TOMM70: variants seen among roughly 807,000 people sequenced by gnomAD.
TOMM70 encodes the protein mitochondrial import receptor subunit TOM70.
TOMM70 carries 13 observed loss-of-function variants against 73.6 expected under a neutral mutation model. The ratio of observed to expected loss-of-function variants is 0.18; its 90% CI spans 0.11 to 0.28. The LOEUF (loss-of-function observed/expected upper bound fraction) is 0.28, where lower values mean the gene tolerates loss of function less well. TOMM70 is among the 10% of genes least tolerant of loss of function. The probability of loss-of-function intolerance (pLI) is 1.00; values close to 1 mark genes in which losing one functional copy is unlikely to be tolerated. For missense variants in TOMM70, 609 were observed against 747.5 expected, an observed-to-expected ratio of 0.81 and a Z score of 2.16; for synonymous variants, 257 against 271.2, an observed-to-expected ratio of 0.95 and a Z score of 0.51.
intron 4 of TOMM70, among the ~76,000 whole-genome samples, chr3:100,383,204 C>T (rs943998013): frequency 6.6e-5 from 10 of 151,656 alleles, no homozygotes; most frequent in Non-Finnish European, 1.0e-4. Context: ...ACGAGATGCT[C>T]GAGAGAAAAA....
intron 5 of TOMM70, among the ~76,000 whole-genome samples, chr3:100,379,012 A>G (rs1706599513): frequency 6.9e-6 from 1 of 145,844 alleles, no homozygotes; most frequent in African/African-American, 2.8e-5. Flanking sequence ...GTCTCAAATA[A>G]ATAAATAAAT....
intron 1 of TOMM70, among the ~76,000 whole-genome samples, chr3:100,399,668 T>A (rs1360159246): frequency 6.6e-6 from 1 of 152,148 alleles, no homozygotes; most frequent in Admixed American, 6.5e-5. Context: ...TCATGTACAT[T>A]TCCAGGTGAA....
At chr3:100,387,055 G>A in intron 1 of TOMM70, 77 bp from the exon 2 acceptor site, 1 of 1,445,596 alleles carries the variant, frequency 6.9e-7, no homozygotes, top group Non-Finnish European at 9.4e-7. Flanking sequence ...ACAATAAATT[G>A]ATAAAAACAG....
intron 1 of TOMM70, among the ~76,000 whole-genome samples, chr3:100,396,018 T>G (rs1417603671): frequency 6.6e-6 from 1 of 151,192 alleles, no homozygotes; most frequent in Non-Finnish European, 1.5e-5. Flanking sequence ...TATCAGGTTT[T>G]TTTTTTTTTT....
chr3:100,372,046 C>T (rs1003411310), intron 9 of TOMM70: 2 of 152,064 alleles, frequency 1.3e-5, no homozygotes, highest in Non-Finnish European at 2.9e-5. Flanking sequence ...AATGTATGAC[C>T]GTCACTACAA....
In TOMM70 at chr3:100,365,709, A is replaced by G. The variant is rs946595659; in HGVS notation, c.1682T>C (p.Met561Thr). 7 of 1,613,924 alleles carry G rather than the reference A, an allele frequency of 4.3e-6. No homozygotes were observed. In the African/African-American group the frequency reaches 6.7e-5, roughly 15 times the overall value. Residue 561 changes from methionine (M) to threonine (T), a missense_variant, in exon 12 of 12, where the codon ATG (methionine) becomes ACG (threonine). This residue lies in a region of TOMM70 where 432 missense variants were observed against 584.1 expected (regional missense o/e 0.74). Transcript: ENST00000284320. ...GTTGAACATGTCAATGGCTTTCTCCATGTTTCCTCTAAAAGAACAAAATTT... is the reference window on the plus strand; with the variant it reads ...GTTGAACATGTCAATGGCTTTCTCCGTGTTTCCTCTAAAAGAACAAAATTT... ...MGTIEVQRGN[M>T]EKAIDMFNKA...
chr3:100,395,663 C>T (rs1328872804), intron 1 of TOMM70, among the ~76,000 whole-genome samples: 3 of 148,536 alleles, frequency 2.0e-5, no homozygotes, highest in African/African-American at 5.1e-5. Context: ...TTTATATATA[C>T]ATACACACAC....
chr3:100,369,193 G>A, intron 9 of TOMM70, 58 bp from the exon 10 acceptor site: 1 of 1,195,886 alleles, frequency 8.4e-7, no homozygotes, highest in Admixed American at 1.9e-5. Context: ...GCAGTTAAAA[G>A]TATACTTATT....
intron 10 of TOMM70, 90 bp downstream of exon 10, chr3:100,368,948 C>T (rs1706478942): frequency 2.3e-6 from 2 of 865,014 alleles, no homozygotes; most frequent in Non-Finnish European, 3.7e-6. Flanking sequence ...TTCTCTACCA[C>T]AGTCCCCTTC....
chr3:100,372,824 T>C, intron 8 of TOMM70, 102 bp from the exon 9 acceptor site: 1 of 1,001,522 alleles, frequency 1.0e-6, no homozygotes, highest in Non-Finnish European at 1.5e-6. Flanking sequence ...AAAAAACAGG[T>C]GATTTGCTAA....
At chr3:100,385,784 G>C (rs1189227563) in intron 3 of TOMM70, among the ~76,000 whole-genome samples, 1 of 151,878 alleles carries the variant, frequency 6.6e-6, no homozygotes, top group Non-Finnish European at 1.5e-5. Flanking sequence ...AAATACCAAG[G>C]GCACAAAACA....
At chr3:100,378,876 G>A (rs1044366960) in intron 5 of TOMM70, among the ~76,000 whole-genome samples, 6 of 152,110 alleles carry the variant, frequency 3.9e-5, no homozygotes, top group Admixed American at 6.5e-5. Flanking sequence ...GCGTGGTGGC[G>A]GGTGCCTATA....
intron 6 of TOMM70, among the ~76,000 whole-genome samples, chr3:100,376,369 G>GTTTTTTTTTTGTTTTTTTTTTTTT (rs1706565085): frequency 8.2e-6 from 1 of 121,768 alleles, no homozygotes; most frequent in African/African-American, 3.7e-5. Flanking sequence ...TCACACAGAA[G>GTTTTTTTTTTGTTTTTTTTTTTTT]TTTTTTTTTT....
At position 100,384,394 on chromosome 3, in the gene TOMM70, T is replaced by C. The variant is rs1239023077; in HGVS notation, c.735+85A>G. The C allele has an allele frequency of 3.4e-6, 3 of 888,610 alleles. No homozygotes were observed. The East Asian group carries it at 7.6e-5, about 23-fold the overall frequency. The allele number at this position is 888,610 out of a possible 1,614,324, so 55.0% of individuals were successfully genotyped here. A position where few individuals can be genotyped will look rare whatever the true frequency, so the allele number is the denominator to read the frequency against. On this transcript the variant is annotated intron_variant, in intron 4 of 11. Coordinates refer to ENST00000284320, the MANE Select transcript of TOMM70 (RefSeq NM_014820.5). ...ATTGCAGTTGTTGCCATTACCACTA[T>C]GCCTAAGCTTAAGCAGCATAAATTA... is the stretch of plus-strand genomic sequence containing the variant.
chr3:100,388,429 C>T (rs1393373891), intron 1 of TOMM70, among the ~76,000 whole-genome samples: 1 of 152,120 alleles, frequency 6.6e-6, no homozygotes, highest in African/African-American at 2.4e-5. Context: ...ATATGAGAGA[C>T]AAGTGGCCAG....
chr3:100,378,057 C>A (rs145775653), intron 5 of TOMM70, 145 bp from the exon 6 acceptor site: 118 of 617,714 alleles, frequency 1.9e-4, no homozygotes, highest in South Asian at 1.6e-3. Flanking sequence ...CCAGCCTGGC[C>A]AACATGGTGA....
rs755598789 is a variant in TOMM70 at position 100,400,784 on chromosome 3, T to A, written c.166A>T (p.Ile56Leu). Reference protein sequence around the residue: ...GAPLLLGAGAIYLWSRQQRRR... With the variant: ...GAPLLLGAGALYLWSRQQRRR... ...CGTTGCTGCCGACTCCACAGGTATA[T>A]GGCACCCGCGCCCAGCAGCAGGGGT... is the stretch of plus-strand genomic sequence containing the variant. Residue 56 changes from isoleucine (I) to leucine (L), a missense_variant, in exon 1 of 12, where the codon ATA (isoleucine) becomes TTA (leucine). By Grantham distance (5) the Ile-to-Leu change is conservative. Transcript: ENST00000284320. 1.9e-6 allele frequency: 3 copies of A among 1,560,552 alleles called. 1 individual carries two copies. In the South Asian group the frequency reaches 3.5e-5, roughly 18 times the overall value.
At chr3:100,380,947 A>G (rs1706626918) in intron 5 of TOMM70, among the ~76,000 whole-genome samples, 1 of 152,164 alleles carries the variant, frequency 6.6e-6, no homozygotes, top group Non-Finnish European at 1.5e-5. Context: ...TTTTCTTCCT[A>G]ACTCGTTAAA....
chr3:100,370,768 G>A (rs1405349974), intron 9 of TOMM70, among the ~76,000 whole-genome samples: 1 of 152,206 alleles, frequency 6.6e-6, no homozygotes, highest in East Asian at 1.9e-4. Flanking sequence ...CAAACTGACT[G>A]TAATAATGCT....
Sources: gnomAD v4.1 joint callset for allele counts (sites outside exome capture counted in the v4.1 genomes callset) on GRCh38, gnomAD v4.1.1 for gene constraint, gnomAD v4.1.1 regional missense constraint, MANE v1.5 for transcripts, NCBI Gene and HGNC (gene_info 2026-07-23, HGNC 2026-07-21) for gene names.